TTPA: variants seen among roughly 807,000 people sequenced by gnomAD.
TTPA encodes alpha-tocopherol transfer protein.
A neutral mutation model predicts 25.9 loss-of-function variants in TTPA; 23 were observed. That is an observed-to-expected ratio of 0.89 (90% CI 0.64 to 1.26). The LOEUF is 1.26. Among genes scored for constraint, TTPA ranks in the 50% most tolerant of loss-of-function variants. TTPA has a pLI of 0.00. For missense variants in TTPA, 337 were observed against 353.1 expected (o/e 0.95, Z 0.37); for synonymous variants, 148 against 137.3 (o/e 1.08, Z -0.54).
At chr8:63,084,520 C>A (rs1805716733) in intron 1 of TTPA, among the ~76,000 whole-genome samples, 1 of 152,214 alleles carries the variant, frequency 6.6e-6, no homozygotes, top group South Asian at 2.1e-4. Context: ...AGAATAACAG[C>A]AGCCCAATAA....
chr8:63,059,845 C>T lies in TTPA; in HGVS notation c.*1407G>A, dbSNP rs1805273393. The stretch of plus-strand genomic sequence containing the variant: ...TGGACACAGGAAGGGGAACATCACA[C>T]ACCGGGGCCTATTTATTTATTTTTG... On this transcript the variant is annotated 3_prime_UTR_variant, in exon 5 of 5. Coordinates refer to ENST00000260116, the MANE Select transcript of TTPA (RefSeq NM_000370.3). The T allele has an allele frequency of 2.0e-5, 3 of 151,816 alleles. No homozygotes were observed. The highest frequency in any genetic ancestry group is 4.4e-5 in the Non-Finnish European group (3 of 67,958). 9.4% of individuals were successfully genotyped at this position (151,816 alleles called of 1,614,324 possible). A position where few individuals can be genotyped will look rare whatever the true frequency, so the allele number is the denominator to read the frequency against.
intron 1 of TTPA, among the ~76,000 whole-genome samples, chr8:63,083,782 C>T (rs1160132077): frequency 2.6e-5 from 4 of 151,712 alleles, no homozygotes; most frequent in African/African-American, 2.4e-5. Context: ...TCTCTTTTAG[C>T]AGGTTTATAC....
intron 2 of TTPA, among the ~76,000 whole-genome samples, chr8:63,068,786 T>A (rs1214005373): frequency 6.6e-6 from 1 of 152,190 alleles, no homozygotes; most frequent in Non-Finnish European, 1.5e-5. Context: ...ACAATGGGAT[T>A]GCTATTTTTT....
At chr8:63,073,452 T>C (rs1805514225) in intron 1 of TTPA, among the ~76,000 whole-genome samples, 1 of 152,194 alleles carries the variant, frequency 6.6e-6, no homozygotes, top group African/African-American at 2.4e-5. Context: ...TTTGATCTAA[T>C]ATCAACTGGC....
intron 2 of TTPA, among the ~76,000 whole-genome samples, chr8:63,066,583 G>C (rs149545698): frequency 6.6e-6 from 1 of 152,302 alleles, no homozygotes; most frequent in Non-Finnish European, 1.5e-5. Context: ...CTGTAGGCTA[G>C]AGCAGGAATT....
intron 1 of TTPA, among the ~76,000 whole-genome samples, chr8:63,082,272 T>C (rs1224481477): frequency 1.3e-5 from 2 of 152,192 alleles, no homozygotes; most frequent in African/African-American, 2.4e-5. Flanking sequence ...CAAAACAGCA[T>C]GGTACTGGTA....
intron 1 of TTPA, among the ~76,000 whole-genome samples, chr8:63,084,343 C>A (rs1805713356): frequency 6.6e-6 from 1 of 152,212 alleles, no homozygotes; most frequent in African/African-American, 2.4e-5. Context: ...AATGCCCAGT[C>A]AGTGATGGAA....
Position 63,060,179 on chromosome 8 carries a change from A to C in TTPA, c.*1073T>G, listed in dbSNP as rs1805282189. On this transcript the variant is annotated 3_prime_UTR_variant, in exon 5 of 5. Transcript: ENST00000260116. ...AGTTACGTTATTGTTAACTAAAAAC[A>C]GTCCATGTATAAGACAAGTAAGTAT... 2.0e-5 allele frequency: 3 copies of C among 152,250 alleles called. No homozygotes were observed. Among genetic ancestry groups the C allele is most frequent in the African/African-American group, 7.2e-5 (3 of 41,472 alleles). 9.4% of individuals were successfully genotyped at this position (152,250 alleles called of 1,614,324 possible).
chr8:63,084,059 T>C (rs1183229502), intron 1 of TTPA, among the ~76,000 whole-genome samples: 1 of 151,916 alleles, frequency 6.6e-6, no homozygotes, highest in Non-Finnish European at 1.5e-5. Context: ...TAATTTTTGT[T>C]ATTTTTTGTA....
At chr8:63,083,307 A>G (rs552622557) in intron 1 of TTPA, among the ~76,000 whole-genome samples, 2 of 152,384 alleles carry the variant, frequency 1.3e-5, no homozygotes, top group East Asian at 3.9e-4. Context: ...CTATGCAGCC[A>G]TAAAGAAGGA....
chr8:63,074,633 T>C (rs1381113403), intron 1 of TTPA, among the ~76,000 whole-genome samples: 1 of 152,226 alleles, frequency 6.6e-6, no homozygotes, highest in Non-Finnish European at 1.5e-5. Flanking sequence ...CTCTTCCTCC[T>C]CCAGTCTTAG....
chr8:63,066,629 G>C (rs1241364807), intron 2 of TTPA, among the ~76,000 whole-genome samples: 1 of 152,106 alleles, frequency 6.6e-6, no homozygotes, highest in Non-Finnish European at 1.5e-5. Flanking sequence ...GAAGCACTTA[G>C]GTAGCTGCTC....
At chr8:63,080,098 A>G (rs1585695108) in intron 1 of TTPA, among the ~76,000 whole-genome samples, 1 of 152,220 alleles carries the variant, frequency 6.6e-6, no homozygotes, top group Admixed American at 6.5e-5. Flanking sequence ...TGAAGGCAGA[A>G]ATAAAGATGT....
chr8:63,076,084 G>C (rs1304667429), intron 1 of TTPA, among the ~76,000 whole-genome samples: 1 of 152,128 alleles, frequency 6.6e-6, no homozygotes, highest in Non-Finnish European at 1.5e-5. Flanking sequence ...TCTCTCCTGA[G>C]CCCAACCCAA....
chr8:63,079,095 A>G (rs973337278), intron 1 of TTPA, among the ~76,000 whole-genome samples: 4 of 152,220 alleles, frequency 2.6e-5, no homozygotes, highest in Admixed American at 2.0e-4. Context: ...ACTAAGCTTC[A>G]TAAGTGAAGG....
chr8:63,078,221 G>C (rs1189896642), intron 1 of TTPA, among the ~76,000 whole-genome samples: 1 of 152,198 alleles, frequency 6.6e-6, no homozygotes. Flanking sequence ...AAACCACAAA[G>C]ATGGGGAGAA....
chr8:63,080,934 G>A (rs1376594361), intron 1 of TTPA, among the ~76,000 whole-genome samples: 1 of 150,826 alleles, frequency 6.6e-6, no homozygotes, highest in Non-Finnish European at 1.5e-5. Context: ...ACCCTCCCAA[G>A]ACTAAACCAG....
At chr8:63,076,102 T>C (rs1805558799) in intron 1 of TTPA, among the ~76,000 whole-genome samples, 1 of 152,206 alleles carries the variant, frequency 6.6e-6, no homozygotes, top group East Asian at 1.9e-4. Context: ...CAAATTCAAA[T>C]CCCTGCTTCA....
intron 2 of TTPA, among the ~76,000 whole-genome samples, chr8:63,070,548 A>AC (rs1805467501): frequency 6.6e-6 from 1 of 152,196 alleles, no homozygotes; most frequent in South Asian, 2.1e-4. Flanking sequence ...GAGATTTGCA[A>AC]CATACCTTCC....
Sources: allele counts gnomAD v4.1 joint callset (sites outside exome capture counted in the v4.1 genomes callset), GRCh38; gene constraint gnomAD v4.1.1; transcripts MANE v1.5; gene names NCBI Gene and HGNC (gene_info 2026-07-23, HGNC 2026-07-21).